The following TRPC3 variants were observed in gnomAD, a reference collection of about 807,000 sequenced individuals.
TRPC3 encodes short transient receptor potential channel 3.
Under a neutral mutation model 90.9 loss-of-function variants are expected in TRPC3, and 54 were observed. That is an observed-to-expected ratio of 0.59 (90% CI 0.48 to 0.75). TRPC3 has a LOEUF of 0.75. TRPC3 is among the 30% of genes least tolerant of loss of function. TRPC3 has a pLI of 0.00. For missense variants in TRPC3, 918 were observed against 1,194.5 expected (o/e 0.77, Z 3.41); for synonymous variants, 424 against 450.9 (o/e 0.94, Z 0.75).
In TRPC3 at chr4:121,932,752, T is replaced by C. The variant is rs1729990908; in HGVS notation, c.506A>G (p.Lys169Arg). 4 of 1,613,810 alleles carry C rather than the reference T, an allele frequency of 2.5e-6. No homozygotes were observed. In the East Asian group the frequency reaches 8.9e-5, roughly 36 times the overall value. ...HLEVTELLLKKENLARIGDAL... is the reference protein window; with the variant it reads ...HLEVTELLLKRENLARIGDAL... ...GTCGCCAATGCGCGCCAGGTTCTCC[T>C]TCTTGAGCAGCAGCTCGGTCACCTC... The change falls in exon 2 of 12, where the codon AAG (lysine) becomes AGG (arginine). Residue 169 changes from lysine to arginine, a missense_variant. This residue lies in a region of TRPC3 where 609 missense variants were observed against 725.9 expected (regional missense o/e 0.84). Transcript: ENST00000379645. The surrounding 1 kb of genome is among the most constrained non-coding windows in gnomAD (Gnocchi z 7.7).
intron 11 of TRPC3, among the ~76,000 whole-genome samples, chr4:121,880,391 T>A (rs1727901618): frequency 6.6e-6 from 1 of 152,148 alleles, no homozygotes; most frequent in African/African-American, 2.4e-5. Flanking sequence ...GAGTGTTTAT[T>A]AGGGAAGGCA....
intron 3 of TRPC3, among the ~76,000 whole-genome samples, chr4:121,919,850 G>C (rs1729443046): frequency 6.6e-6 from 1 of 152,190 alleles, no homozygotes; most frequent in African/African-American, 2.4e-5. Flanking sequence ...TCCAGATTCA[G>C]TGGTCTACCA....
At position 121,951,475 on chromosome 4, in the gene TRPC3, C is replaced by G. The variant is rs1479353100; in HGVS notation, c.206G>C (p.Gly69Ala). The change falls in exon 1 of 12, where the codon GGG becomes GCG. Residue 69 changes from glycine (G) to alanine (A), a missense_variant. Gly to Ala is a moderately conservative substitution (Grantham distance 60). Around this residue, in one of 4 missense-constraint regions of TRPC3, gnomAD observed 609 missense variants for 725.9 expected, o/e 0.84. Coordinates refer to ENST00000379645, the MANE Select transcript of TRPC3 (RefSeq NM_001130698.2). The surrounding 1 kb of genome is among the most constrained non-coding windows in gnomAD (Gnocchi z 4.4). ...HGYCPPPFSH[G>A]PDLSMEGSPS... ...CGGGCCCGGTACTCACAGGTCCGGCCCGTGGGAGAAGGGCGGCGGGCAGTA... is the reference window on the plus strand; with the variant it reads ...CGGGCCCGGTACTCACAGGTCCGGCGCGTGGGAGAAGGGCGGCGGGCAGTA... 7.6e-7 allele frequency: 1 copy of G among 1,313,176 alleles called. No homozygotes were observed. Among genetic ancestry groups the G allele is most frequent in the East Asian group, 3.2e-5 (1 of 31,058 alleles). 81.3% of individuals were successfully genotyped at this position (1,313,176 alleles called of 1,614,324 possible). A position where few individuals can be genotyped will look rare whatever the true frequency, so the allele number is the denominator to read the frequency against.
intron 1 of TRPC3, among the ~76,000 whole-genome samples, chr4:121,943,753 C>T (rs965135154): frequency 6.6e-6 from 1 of 152,050 alleles, no homozygotes; most frequent in Non-Finnish European, 1.5e-5. Flanking sequence ...ATAAAGGAAT[C>T]TGGTTTTCTA....
chr4:121,925,067 T>C lies in TRPC3; in HGVS notation c.1127A>G (p.Lys376Arg). 2 of 1,614,052 alleles carry C rather than the reference T, an allele frequency of 1.2e-6. No individual in the cohort carries two copies. Among genetic ancestry groups the C allele is most frequent in the South Asian group, 2.2e-5 (2 of 91,050 alleles). Reference sequence around the variant, plus strand: ...AAGTTTGACACGACTTAATGAAGCTTTGTGCCTGTGTACCTCCAGAGGCTC... The same window carrying C: ...AAGTTTGACACGACTTAATGAAGCTCTGTGCCTGTGTACCTCCAGAGGCTC... ...SAEPLEVHRH[K>R]ASLSRVKLAI... Residue 376 changes from lysine to arginine, a missense_variant, in exon 3 of 12, where the codon AAA (lysine) becomes AGA (arginine). By Grantham distance (26) the Lys-to-Arg change is conservative. This residue lies in a region of TRPC3 where 609 missense variants were observed against 725.9 expected (regional missense o/e 0.84). Transcript: ENST00000379645.
chr4:121,892,292 A>C (rs1266445763), intron 10 of TRPC3, among the ~76,000 whole-genome samples: 1 of 152,172 alleles, frequency 6.6e-6, no homozygotes, highest in Non-Finnish European at 1.5e-5. Context: ...ACAGCTTTTT[A>C]GTTTGGCACA....
rs1727725711 is a variant in TRPC3 at position 121,874,993 on chromosome 4, G to T, written c.*4743C>A. Among the ~76,000 whole-genome samples, 1 of 151,792 alleles carries T rather than the reference G, an allele frequency of 6.6e-6. No homozygotes were observed. Among genetic ancestry groups the T allele is most frequent in the Non-Finnish European group, 1.5e-5 (1 of 67,932 alleles). ...AACAAAAAACTAACTTAAAAAAAAT[G>T]AAAAGTAAAGATAAACATTTCAATA... On this transcript the variant is annotated 3_prime_UTR_variant, in exon 12 of 12. Coordinates refer to ENST00000379645, the MANE Select transcript of TRPC3 (RefSeq NM_001130698.2).
chr4:121,941,660 T>C (rs1730316839), intron 1 of TRPC3, among the ~76,000 whole-genome samples: 1 of 152,024 alleles, frequency 6.6e-6, no homozygotes, highest in African/African-American at 2.4e-5. Context: ...AAAAATCCCA[T>C]AATCTCCCTG....
intron 3 of TRPC3, 49 bp downstream of exon 3, chr4:121,924,969 A>G: frequency 6.5e-7 from 1 of 1,547,632 alleles, no homozygotes; most frequent in Admixed American, 1.9e-5. Context: ...CATAGTTTGT[A>G]TCACATGTTT....
At chr4:121,924,805 G>A (rs149372275) in intron 3 of TRPC3, among the ~76,000 whole-genome samples, 2 of 152,106 alleles carry the variant, frequency 1.3e-5, no homozygotes, top group African/African-American at 4.8e-5. Context: ...CTCCCAAAGC[G>A]CTGGGATTAC....
chr4:121,883,345 G>T (rs973672117), intron 10 of TRPC3, among the ~76,000 whole-genome samples: 1 of 152,014 alleles, frequency 6.6e-6, no homozygotes, highest in Non-Finnish European at 1.5e-5. Context: ...TAAAGAAAGT[G>T]AAAAGGCAAG....
intron 4 of TRPC3, among the ~76,000 whole-genome samples, chr4:121,913,244 C>T (rs182115259): frequency 6.6e-6 from 1 of 152,312 alleles, no homozygotes; most frequent in African/African-American, 2.4e-5. Flanking sequence ...ATCCGTAGCA[C>T]ATAGAAATTT....
chr4:121,951,593 C>T lies in TRPC3; in HGVS notation c.88G>A (p.Gly30Ser). ...CGGCGGCGGCGCTGCGGCTCCGCGCCCTCGTCCTCGCCCTCGTCTTCCTCC... is the reference window on the plus strand; with the variant it reads ...CGGCGGCGGCGCTGCGGCTCCGCGCTCTCGTCCTCGCCCTCGTCTTCCTCC... ...EEEEDEGEDE[G>S]AEPQRRRRGW... The change falls in exon 1 of 12, where the codon GGC (glycine) becomes AGC (serine). Residue 30 changes from glycine (G) to serine (S), a missense_variant. Coordinates refer to ENST00000379645, the MANE Select transcript of TRPC3 (RefSeq NM_001130698.2). The surrounding 1 kb of genome is among the most constrained non-coding windows in gnomAD (Gnocchi z 4.4). 1.4e-6 allele frequency: 2 copies of T among 1,454,518 alleles called. No homozygotes were observed. Among genetic ancestry groups the T allele is most frequent in the South Asian group, 1.4e-5 (1 of 71,940 alleles). 90.1% of individuals were successfully genotyped at this position (1,454,518 alleles called of 1,614,324 possible).
At chr4:121,898,966 C>T (rs576034277) in intron 10 of TRPC3, among the ~76,000 whole-genome samples, 3 of 152,222 alleles carry the variant, frequency 2.0e-5, no homozygotes, top group East Asian at 3.9e-4. Flanking sequence ...TACGCAGTAA[C>T]GGACATCACC....
chr4:121,941,989 C>T (rs192183184), intron 1 of TRPC3, among the ~76,000 whole-genome samples: 3 of 152,252 alleles, frequency 2.0e-5, no homozygotes, highest in South Asian at 4.2e-4. Flanking sequence ...ACTTCTCAGC[C>T]TGCATCTACC....
At chr4:121,926,996 G>A (rs912440459) in intron 2 of TRPC3, among the ~76,000 whole-genome samples, 24 of 152,166 alleles carry the variant, frequency 1.6e-4, no homozygotes, top group African/African-American at 5.8e-4. Context: ...GGTTTATAGC[G>A]AATGTAGAGA....
chr4:121,902,669 ACT>A (rs1208621354), intron 9 of TRPC3, among the ~76,000 whole-genome samples, 181 bp downstream of exon 9: 1 of 152,156 alleles, frequency 6.6e-6, no homozygotes, highest in Non-Finnish European at 1.5e-5. Context: ...CAGGGCCTCG[ACT>A]CAGTGACTTC....
rs539161339 is a variant in TRPC3, at chr4:121,884,883, C to T, written c.2548-2454G>A. Among the ~76,000 whole-genome samples the T allele has an allele frequency of 2.0e-5, 3 of 152,246 alleles. No homozygotes were observed. In the East Asian group the frequency reaches 5.8e-4, roughly 29 times the overall value. On this transcript the variant is annotated intron_variant, in intron 10 of 11. Transcript: ENST00000379645. ...AGGAATACAACAGTGAACACAGTCC[C>T]CAGTCCAGTGAAACTTCATATTGAT... is the stretch of plus-strand genomic sequence containing the variant.
Position 121,879,183 on chromosome 4 carries a change from A to G in TRPC3, c.*553T>C, listed in dbSNP as rs1002365077. The G allele has an allele frequency of 1.3e-5, 2 of 151,790 alleles. No homozygotes were observed. The highest frequency in any genetic ancestry group is 4.8e-5 in the African/African-American group (2 of 41,274). 9.4% of individuals were successfully genotyped at this position (151,790 alleles called of 1,614,324 possible). The stretch of plus-strand genomic sequence containing the variant: ...TATCAGTGACACCTAAAATTCTAAG[A>G]ATGTCTTACCAAGTCATAGCTGGTT... On this transcript the variant is annotated 3_prime_UTR_variant, in exon 12 of 12. Coordinates refer to ENST00000379645, the MANE Select transcript of TRPC3 (RefSeq NM_001130698.2).
Sources: allele counts gnomAD v4.1 joint callset (sites outside exome capture counted in the v4.1 genomes callset), GRCh38; gene constraint gnomAD v4.1.1; regional missense constraint gnomAD v4.1.1; non-coding constraint Gnocchi (gnomAD v3.1); transcripts MANE v1.5; gene names NCBI Gene and HGNC (gene_info 2026-07-23, HGNC 2026-07-21).